The following NDST3 variants were observed in gnomAD, a reference collection of about 807,000 sequenced individuals.
NDST3 encodes bifunctional heparan sulfate N-deacetylase/N-sulfotransferase 3.
In NDST3, 58 loss-of-function variants were observed where a neutral mutation model predicts 96.1. That is an observed-to-expected ratio of 0.60 (90% CI 0.49 to 0.75). The LOEUF is 0.75. Ranked by LOEUF, NDST3 falls within the 30% of genes least tolerant of loss-of-function variation. The pLI is 0.00. For missense variants in NDST3, 788 were observed against 1,034.2 expected (o/e 0.76, Z 3.27); for synonymous variants, 333 against 359.7 (o/e 0.93, Z 0.84).
intron 2 of NDST3, among the ~76,000 whole-genome samples, chr4:118,078,878 A>T (rs78036047): frequency 0.022 from 3,412 of 152,296 alleles, 60 homozygotes; most frequent in Middle Eastern, 0.071. Context: ...CTTACTTCAT[A>T]GCATGAAAGT....
In NDST3 at chr4:118,069,464, A is replaced by G. The variant is rs1008097098; in HGVS notation, c.981+14573A>G. On this transcript the variant is annotated intron_variant, in intron 2 of 13. Transcript: ENST00000296499. ...CCTTTGAGAAACTACAATTAGAGTGAGCCCTGTTTGGGGTTTTTTTGTCTA... is the reference window on the plus strand; with the variant it reads ...CCTTTGAGAAACTACAATTAGAGTGGGCCCTGTTTGGGGTTTTTTTGTCTA... 4.5e-4 allele frequency among the ~76,000 whole-genome samples: 69 copies of G among 152,062 alleles called. 1 individual carries two copies. The highest frequency in any genetic ancestry group is 7.9e-4 in the Non-Finnish European group (54 of 67,990).
At chr4:118,197,573 T>C (rs1018192878) in intron 6 of NDST3, among the ~76,000 whole-genome samples, 2 of 152,306 alleles carry the variant, frequency 1.3e-5, no homozygotes, top group East Asian at 3.9e-4. Flanking sequence ...ACCTTCTTTG[T>C]CTATTCTTAC....
chr4:118,180,335 T>TTA (rs1158258767), intron 6 of NDST3, among the ~76,000 whole-genome samples: 1 of 152,152 alleles, frequency 6.6e-6, no homozygotes, highest in Non-Finnish European at 1.5e-5. Flanking sequence ...TAGCTTCCAC[T>TTA]TATAAGTGAG....
Position 118,176,257 on chromosome 4 carries a change from T to A in NDST3, c.1539+32573T>A, listed in dbSNP as rs1018116432. Among the ~76,000 whole-genome samples the A allele has an allele frequency of 4.0e-5, 6 of 151,252 alleles. No homozygotes were observed. In the South Asian group the frequency reaches 8.3e-4, roughly 21 times the overall value. On this transcript the variant is annotated intron_variant, in intron 6 of 13. Coordinates refer to ENST00000296499, the MANE Select transcript of NDST3 (RefSeq NM_004784.3). ...CACATGTACCCCAGAACTTAAAATT[T>A]AAAAAAAAACCTGCAAGCAAACCTA...
chr4:118,096,504 T>C (rs1263130153), intron 2 of NDST3, among the ~76,000 whole-genome samples: 1 of 151,816 alleles, frequency 6.6e-6, no homozygotes, highest in Admixed American at 6.6e-5. Context: ...AATAAAAATA[T>C]AAAGCTAAAC....
chr4:118,218,556 G>A (rs1220337591), intron 6 of NDST3, among the ~76,000 whole-genome samples: 2 of 152,098 alleles, frequency 1.3e-5, no homozygotes, highest in African/African-American at 4.8e-5. Flanking sequence ...AATAATGAGA[G>A]CTATTTATGA....
rs903148912 is a variant in NDST3 at position 118,223,064 on chromosome 4, T to C, written c.1540-1427T>C. Among the ~76,000 whole-genome samples, 3 of 151,970 alleles carry C rather than the reference T, an allele frequency of 2.0e-5. No individual in the cohort carries two copies. The South Asian group carries it at 6.2e-4, about 32-fold the overall frequency. On this transcript the variant is annotated intron_variant, in intron 6 of 13. Transcript: ENST00000296499. ...AGGTTAAAAATACACATTTTTAAAA[T>C]TGTATTTAAAAAAATTTTTAGGAGA...
At position 118,112,046 on chromosome 4, in the gene NDST3, T is replaced by C. The variant is rs532765601; in HGVS notation, c.1070-2760T>C. 7.8e-4 allele frequency among the ~76,000 whole-genome samples: 118 copies of C among 152,156 alleles called. 1 individual carries two copies. Among genetic ancestry groups the C allele is most frequent in the Admixed American group, 2.0e-4 (3 of 15,276 alleles). ...ATTCTAATGTAAAACATTCTCAAAGTAGGATTAAAAGAAATCAGATAAGAC... is the reference window on the plus strand; with the variant it reads ...ATTCTAATGTAAAACATTCTCAAAGCAGGATTAAAAGAAATCAGATAAGAC... On this transcript the variant is annotated intron_variant, in intron 3 of 13. Transcript: ENST00000296499.
intron 9 of NDST3, among the ~76,000 whole-genome samples, chr4:118,234,164 C>A (rs1433631014): frequency 6.6e-6 from 1 of 152,132 alleles, no homozygotes. Context: ...GTAATCCCAG[C>A]ATTTTGGGAG....
chr4:118,051,739 T>C (rs1303521425), intron 1 of NDST3, among the ~76,000 whole-genome samples: 3 of 151,866 alleles, frequency 2.0e-5, no homozygotes, highest in Non-Finnish European at 4.4e-5. Flanking sequence ...CAAAATAGTC[T>C]CTTTATTAAA....
At chr4:118,040,051 A>C (rs1724357698) in intron 1 of NDST3, among the ~76,000 whole-genome samples, 1 of 152,194 alleles carries the variant, frequency 6.6e-6, no homozygotes. Flanking sequence ...TGGTGAGATT[A>C]GTTGCTGCAA....
In NDST3 at chr4:118,168,977, T is replaced by G. The variant is rs1735740181; in HGVS notation, c.1539+25293T>G. On this transcript the variant is annotated intron_variant, in intron 6 of 13. Transcript: ENST00000296499. ...ATGATTGCCAGGAGCTTGGGGAGGGTTCAATGGATATAAATTTTCAATTAT... is the reference window on the plus strand; with the variant it reads ...ATGATTGCCAGGAGCTTGGGGAGGGGTCAATGGATATAAATTTTCAATTAT... Among the ~76,000 whole-genome samples the G allele has an allele frequency of 2.0e-5, 3 of 151,998 alleles. 1 individual carries two copies. The South Asian group carries it at 6.3e-4, about 32-fold the overall frequency.
intron 5 of NDST3, among the ~76,000 whole-genome samples, chr4:118,143,210 A>G (rs1733692174): frequency 6.6e-6 from 1 of 152,118 alleles, no homozygotes; most frequent in Admixed American, 6.6e-5. Flanking sequence ...ACAATCCAAT[A>G]CTTTTTTTAA....
At chr4:118,056,024 G>A (rs1003823761) in intron 2 of NDST3, among the ~76,000 whole-genome samples, 5 of 151,806 alleles carry the variant, frequency 3.3e-5, no homozygotes, top group African/African-American at 9.7e-5. Context: ...TAATAAAGAA[G>A]CTGTATTTAA....
intron 2 of NDST3, among the ~76,000 whole-genome samples, chr4:118,084,296 C>T (rs557429608): frequency 1.1e-3 from 170 of 152,124 alleles, no homozygotes; most frequent in Middle Eastern, 0.01. Flanking sequence ...AATCATTTTA[C>T]TATCTATATG....
intron 8 of NDST3, among the ~76,000 whole-genome samples, chr4:118,231,789 T>C (rs1004839308): frequency 8.5e-5 from 13 of 152,212 alleles, no homozygotes; most frequent in Non-Finnish European, 1.6e-4. Flanking sequence ...AAGTATTAAA[T>C]ACATGGCTAA....
chr4:118,193,817 TA>T, intron 6 of NDST3: 1 of 1,466,040 alleles, frequency 6.8e-7, no homozygotes, highest in Non-Finnish European at 9.4e-7. Context: ...CAGGTTGAGG[TA>T]AGAGGCCAGT....
intron 3 of NDST3, among the ~76,000 whole-genome samples, chr4:118,105,645 T>C (rs1322003508): frequency 6.6e-6 from 1 of 152,234 alleles, no homozygotes; most frequent in South Asian, 2.1e-4. Context: ...TCTTTCCTTT[T>C]CCTTGCTGTA....
At chr4:118,133,856 G>A (rs941556893) in intron 4 of NDST3, among the ~76,000 whole-genome samples, 2 of 152,166 alleles carry the variant, frequency 1.3e-5, no homozygotes, top group Non-Finnish European at 2.9e-5. Context: ...TATTTGTTGA[G>A]TACTTGCCAT....
Sources: gnomAD v4.1 joint callset for allele counts (sites outside exome capture counted in the v4.1 genomes callset) on GRCh38, gnomAD v4.1.1 for gene constraint, MANE v1.5 for transcripts, NCBI Gene and HGNC (gene_info 2026-07-23, HGNC 2026-07-21) for gene names.